MPI: variants seen among roughly 807,000 people sequenced by gnomAD.
The protein encoded by MPI is mannose-6-phosphate isomerase.
A neutral mutation model predicts 40.1 loss-of-function variants in MPI; 33 were observed. That is an observed-to-expected ratio of 0.82 (90% CI 0.62 to 1.10). MPI has a LOEUF of 1.10. Ranked by LOEUF, MPI falls within the 50% of genes least tolerant of loss-of-function variation. The probability of loss-of-function intolerance (pLI) is 0.00; values close to 1 mark genes in which losing one functional copy is unlikely to be tolerated. For missense variants in MPI, 514 were observed against 524.1 expected (o/e 0.98, Z 0.19); for synonymous variants, 187 against 207.4 (o/e 0.90, Z 0.85).
At chr15:74,890,692 A>T (rs765820267) in intron 2 of MPI, 38 bp downstream of exon 2, 1 of 1,610,306 alleles carries the variant, frequency 6.2e-7, no homozygotes, top group Non-Finnish European at 8.5e-7. Context: ...CTTTACCCGC[A>T]GGTCAGGAGA....
chr15:74,890,425 ACT>A (rs2064706804), intron 1 of MPI, 100 bp from the exon 2 acceptor site: 2 of 1,506,770 alleles, frequency 1.3e-6, no homozygotes, highest in South Asian at 1.1e-5. Flanking sequence ...CCCTTATTTG[ACT>A]CTGTCCCCAG....
Position 74,891,485 on chromosome 15 carries a change from C to CA in MPI, c.254dup (p.Val86GlyfsTer6). 6.2e-7 allele frequency: 1 copy of CA among 1,614,214 alleles called. No homozygotes were observed. Among genetic ancestry groups the CA allele is most frequent in the Non-Finnish European group, 8.5e-7 (1 of 1,180,044 alleles). On this transcript the variant is annotated frameshift_variant, in exon 3 of 8. Coordinates refer to ENST00000352410, the MANE Select transcript of MPI (RefSeq NM_002435.3). LOFTEE classifies it high-confidence loss of function. ...GCTGAGAACCAGGACAGCTTGGGCT[C>CA]AAAGGTCAAGGACACCTTTAATGGC...
In MPI at chr15:74,890,555, G is replaced by A; in HGVS notation, c.45G>A (p.Gln15=). ...RVFPLSCAVQ[Q]YAWGKMGSNS... is the part of the protein sequence containing the mutation. ...TCCCACTTTCCTGTGCGGTGCAGCA[G>A]TATGCCTGGGGGAAGATGGGTTCCA... Residue 15 remains glutamine, a synonymous_variant, in exon 2 of 8, where the codon CAG becomes CAA. Transcript: ENST00000352410. The A allele has an allele frequency of 6.2e-7, 1 of 1,614,238 alleles. No homozygotes were observed. Among genetic ancestry groups the A allele is most frequent in the Non-Finnish European group, 8.5e-7 (1 of 1,180,048 alleles).
chr15:74,894,130 C>CTGGA (rs2064780719), intron 5 of MPI, among the ~76,000 whole-genome samples: 1 of 112,766 alleles, frequency 8.9e-6, no homozygotes, highest in African/African-American at 2.8e-5. Flanking sequence ...TTGCCCCAGG[C>CTGGA]TGGAGTGCAG....
In MPI at chr15:74,890,140, G is replaced by C. The variant is rs569365495; in HGVS notation, c.16+51G>C. 2.5e-5 allele frequency: 40 copies of C among 1,604,458 alleles called. No individual in the cohort carries two copies. In the Admixed American group the frequency reaches 5.0e-4, roughly 20 times the overall value. ...GAGTGTGTTCGTGGAGCGCGTCCTG[G>C]GGACGACTCCCGGCATTATCGGCCA... On this transcript the variant is annotated intron_variant, in intron 1 of 7. Transcript: ENST00000352410.
Position 74,892,936 on chromosome 15 carries a change from C to G in MPI, c.487+134C>G. The G allele has an allele frequency of 2.8e-6, 4 of 1,450,530 alleles. No homozygotes were observed. The South Asian group carries it at 4.7e-5, about 17-fold the overall frequency. The allele number at this position is 1,450,530 out of a possible 1,614,324, so 89.9% of individuals were successfully genotyped here. ...GGGCCTCATGAAGCAGTTTTTGGAG[C>G]CAGTGAGCCAGGCCAGTGAGACCAG... is the stretch of plus-strand genomic sequence containing the variant. On this transcript the variant is annotated intron_variant, in intron 4 of 7. Coordinates refer to ENST00000352410, the MANE Select transcript of MPI (RefSeq NM_002435.3).
In MPI at chr15:74,899,728, A is replaced by G. The variant is rs2064879324; in HGVS notation, c.*1998A>G. On this transcript the variant is annotated 3_prime_UTR_variant, in exon 8 of 8. Transcript: ENST00000352410. Reference sequence around the variant, plus strand: ...AACCTCCGCCCACTGGGTTCAAGCGATTCTTCTGCCTCAGCTCCTGAGTAG... The same window carrying G: ...AACCTCCGCCCACTGGGTTCAAGCGGTTCTTCTGCCTCAGCTCCTGAGTAG... 6.6e-6 allele frequency: 1 copy of G among 152,152 alleles called. No homozygotes were observed. The highest frequency in any genetic ancestry group is 1.5e-5 in the Non-Finnish European group (1 of 68,054). The allele number at this position is 152,152 out of a possible 1,614,324, so 9.4% of individuals were successfully genotyped here. A position where few individuals can be genotyped will look rare whatever the true frequency, so the allele number is the denominator to read the frequency against.
In MPI at chr15:74,890,655, G is replaced by T; in HGVS notation, c.144+1G>T. ...CGCAGAGGACAAGCCTTATGCAGAG[G>T]TGAGCCCCGGGCTGTATTTCAGCCC... is the stretch of plus-strand genomic sequence containing the variant. On this transcript the variant is annotated splice_donor_variant, in intron 2 of 7. Coordinates refer to ENST00000352410, the MANE Select transcript of MPI (RefSeq NM_002435.3). LOFTEE classifies it high-confidence loss of function. The T allele has an allele frequency of 6.2e-7, 1 of 1,613,632 alleles. No homozygotes were observed. The highest frequency in any genetic ancestry group is 8.5e-7 in the Non-Finnish European group (1 of 1,180,034).
intron 5 of MPI, chr15:74,893,549 A>AGGACCATCT (rs1300973675): frequency 2.9e-5 from 19 of 645,560 alleles, no homozygotes; most frequent in Non-Finnish European, 4.5e-5. Context: ...AGATGGTTGG[A>AGGACCATCT]GGCAGACTGG....
At chr15:74,891,663 C>T (rs959069920) in intron 3 of MPI, 84 bp downstream of exon 3, 6 of 1,463,598 alleles carry the variant, frequency 4.1e-6, no homozygotes, top group Non-Finnish European at 5.7e-6. Context: ...GCCACTTTTA[C>T]CCCACCCATG....
In MPI at chr15:74,899,360, A is replaced by C. The variant is rs1435188958; in HGVS notation, c.*1630A>C. On this transcript the variant is annotated 3_prime_UTR_variant, in exon 8 of 8. Transcript: ENST00000352410. ...TCCCTATACAATGGAGTTCCAGGAA[A>C]CCACCTTCAAAAATCTCCTGGGTTT... 1 of 152,218 alleles carries C rather than the reference A, an allele frequency of 6.6e-6. No homozygotes were observed. The highest frequency in any genetic ancestry group is 1.5e-5 in the Non-Finnish European group (1 of 68,044). The allele number at this position is 152,218 out of a possible 1,614,324, so 9.4% of individuals were successfully genotyped here.
chr15:74,898,177 C>T lies in MPI; in HGVS notation c.*447C>T, dbSNP rs556916651. ...GGGAAAGGGTAGGCCTGTAGACTAA[C>T]GCTGTTTACACCCTTGTTCTGTCAA... On this transcript the variant is annotated 3_prime_UTR_variant, in exon 8 of 8. Coordinates refer to ENST00000352410, the MANE Select transcript of MPI (RefSeq NM_002435.3). 9.6e-5 allele frequency: 31 copies of T among 324,398 alleles called. No homozygotes were observed. Among genetic ancestry groups the T allele is most frequent in the African/African-American group, 3.4e-4 (16 of 46,634 alleles). The allele number at this position is 324,398 out of a possible 1,614,324, so 20.1% of individuals were successfully genotyped here.
intron 5 of MPI, chr15:74,893,698 A>T: frequency 1.8e-6 from 1 of 560,998 alleles, no homozygotes; most frequent in African/African-American, 1.9e-5. Context: ...TCTCCTGGAA[A>T]GGACTGATGC....
At chr15:74,896,580 G>A in intron 6 of MPI, 1 of 649,604 alleles carries the variant, frequency 1.5e-6, no homozygotes, top group South Asian at 1.7e-5. Flanking sequence ...AGTCAGTGTG[G>A]GAACCACAAT....
chr15:74,893,943 C>G (rs1312850374), intron 5 of MPI, among the ~76,000 whole-genome samples: 2 of 151,980 alleles, frequency 1.3e-5, no homozygotes, highest in African/African-American at 4.8e-5. Flanking sequence ...CTCTAGGTGG[C>G]CCAGAGCTCT....
chr15:74,891,041 T>C (rs908208701), intron 2 of MPI: 17 of 571,012 alleles, frequency 3.0e-5, no homozygotes, highest in Middle Eastern at 5.4e-4. Context: ...AAGATGTATG[T>C]TAACCCCTGA....
At chr15:74,891,049 TGA>T (rs757025363) in intron 2 of MPI, 2 of 570,978 alleles carry the variant, frequency 3.5e-6, no homozygotes, top group Non-Finnish European at 6.6e-6. Flanking sequence ...TGTTAACCCC[TGA>T]AAGAATCATT....
Position 74,891,527 on chromosome 15 carries a change from T to A in MPI, c.293T>A (p.Phe98Tyr). Residue 98 changes from phenylalanine to tyrosine, a missense_variant, in exon 3 of 8, where the codon TTC (phenylalanine) becomes TAC (tyrosine). Physicochemically the swap from Phe to Tyr is conservative, Grantham distance 22 (BLOSUM62 3). Coordinates refer to ENST00000352410, the MANE Select transcript of MPI (RefSeq NM_002435.3). Reference sequence around the variant, plus strand: ...TTTAATGGCAACCTGCCCTTCCTCTTCAAAGTGCTCTCAGTTGAAACACCC... The same window carrying A: ...TTTAATGGCAACCTGCCCTTCCTCTACAAAGTGCTCTCAGTTGAAACACCC... ...DTFNGNLPFL[F>Y]KVLSVETPLS... 1 of 1,614,176 alleles carries A rather than the reference T, an allele frequency of 6.2e-7. No individual in the cohort carries two copies. The highest frequency in any genetic ancestry group is 8.5e-7 in the Non-Finnish European group (1 of 1,180,030).
chr15:74,891,588 C>CA lies in MPI; in HGVS notation c.345+10dup, dbSNP rs755083652. 6.2e-7 allele frequency: 1 copy of CA among 1,613,882 alleles called. No individual in the cohort carries two copies. The highest frequency in any genetic ancestry group is 2.2e-5 in the East Asian group (1 of 44,880). ...AGGCACACCCTAACAAGGTAAAGGA[C>CA]AGAGTGCGGTGCAGAGGTCAGGGTA... On this transcript the variant is annotated intron_variant, in intron 3 of 7. Transcript: ENST00000352410.
Sources: gnomAD v4.1 joint callset for allele counts (sites outside exome capture counted in the v4.1 genomes callset) on GRCh38, gnomAD v4.1.1 for gene constraint, MANE v1.5 for transcripts, NCBI Gene and HGNC (gene_info 2026-07-23, HGNC 2026-07-21) for gene names.